The following UPP2 variants were observed in gnomAD, a reference collection of about 807,000 sequenced individuals.
UPP2 encodes UPase 2.
In UPP2, 23 loss-of-function variants were observed where a neutral mutation model predicts 26.7. The observed-to-expected ratio is 0.86, with a 90% CI of 0.62 to 1.22. The LOEUF is 1.22. UPP2 is among the 50% of genes most tolerant of loss of function. The probability of loss-of-function intolerance (pLI) is 0.00; values close to 1 mark genes in which losing one functional copy is unlikely to be tolerated. For missense variants in UPP2, 387 were observed against 396.7 expected (o/e 0.98, Z 0.21); for synonymous variants, 127 against 141.3 (o/e 0.90, Z 0.72).
chr2:158,108,372 T>C (rs769563051), intron 2 of UPP2, among the ~76,000 whole-genome samples: 1 of 152,134 alleles, frequency 6.6e-6, no homozygotes, highest in African/African-American at 2.4e-5. Flanking sequence ...GTAAGTCAAA[T>C]AGCTGAGATT....
rs1683563709 is a variant in UPP2 at position 158,121,421 on chromosome 2, G to A, written c.467G>A (p.Gly156Glu). The A allele has an allele frequency of 1.2e-6, 2 of 1,612,442 alleles. No individual in the cohort carries two copies. Among genetic ancestry groups the A allele is most frequent in the East Asian group, 2.2e-5 (1 of 44,860 alleles). The change falls in exon 5 of 7, where the codon GGG becomes GAG. Residue 156 changes from glycine to glutamate, a missense_variant. Gly to Glu is a moderately conservative substitution (Grantham distance 98, BLOSUM62 -2). Transcript: ENST00000005756. ...TCCCACATTGCAGGGATTGCACCAG[G>A]GACTGTTGTAATAACGGATATAGCT... ...GTSGGIGIAP[G>E]TVVITDIAVD...
intron 3 of UPP2, among the ~76,000 whole-genome samples, chr2:158,040,106 G>A (rs1047725906): frequency 6.6e-6 from 1 of 152,208 alleles, no homozygotes; most frequent in Non-Finnish European, 1.5e-5. Context: ...CATTATGAAT[G>A]GATTAATGTA....
chr2:158,126,218 C>T (rs1479241239), intron 6 of UPP2, among the ~76,000 whole-genome samples: 3 of 152,154 alleles, frequency 2.0e-5, no homozygotes, highest in Non-Finnish European at 4.4e-5. Flanking sequence ...TGCAGGTTTC[C>T]CTCCTGGATG....
chr2:158,006,037 C>A (rs1428305882), intron 2 of UPP2, among the ~76,000 whole-genome samples: 1 of 152,196 alleles, frequency 6.6e-6, no homozygotes, highest in African/African-American at 2.4e-5. Context: ...CACCCCAAAG[C>A]GCATTCCCCT....
intron 2 of UPP2, among the ~76,000 whole-genome samples, chr2:158,109,105 C>T (rs559543838): frequency 4.6e-5 from 7 of 152,160 alleles, no homozygotes; most frequent in African/African-American, 1.7e-4. Flanking sequence ...GAACATTCTA[C>T]ATTCAATTTC....
At chr2:158,129,820 C>G (rs575208310) in intron 6 of UPP2, among the ~76,000 whole-genome samples, 1 of 151,448 alleles carries the variant, frequency 6.6e-6, no homozygotes, top group East Asian at 1.9e-4. Flanking sequence ...GATTGGAACA[C>G]AGTGGTATGA....
chr2:158,017,604 T>C (rs1006881577), intron 3 of UPP2, among the ~76,000 whole-genome samples: 2 of 152,222 alleles, frequency 1.3e-5, no homozygotes, highest in East Asian at 3.8e-4. Flanking sequence ...GTCAAATCTT[T>C]GCATAGCTGA....
intron 3 of UPP2, among the ~76,000 whole-genome samples, chr2:158,029,578 C>T (rs1419240309): frequency 1.3e-5 from 2 of 152,108 alleles, no homozygotes; most frequent in African/African-American, 4.8e-5. Flanking sequence ...AATATATTGT[C>T]CAAACTGGGA....
At chr2:158,124,047 C>A in intron 6 of UPP2, 152 bp downstream of exon 6, 2 of 819,658 alleles carry the variant, frequency 2.4e-6, no homozygotes, top group Non-Finnish European at 3.6e-6. Flanking sequence ...CTCATAATAT[C>A]TTGTGAGTGG....
chr2:158,024,690 T>C (rs1170645692), intron 3 of UPP2, among the ~76,000 whole-genome samples: 5 of 152,158 alleles, frequency 3.3e-5, no homozygotes, highest in Non-Finnish European at 5.9e-5. Flanking sequence ...TGGAGGAATT[T>C]AGTGAGGTTT....
intron 3 of UPP2, among the ~76,000 whole-genome samples, chr2:158,055,998 G>A (rs922272895): frequency 3.3e-5 from 5 of 152,168 alleles, no homozygotes; most frequent in African/African-American, 1.2e-4. Flanking sequence ...CACGTGTGAG[G>A]AAAGGAGAGG....
chr2:157,995,950 C>A (rs916740732), intron 2 of UPP2, among the ~76,000 whole-genome samples: 5 of 152,126 alleles, frequency 3.3e-5, no homozygotes, highest in African/African-American at 1.2e-4. Context: ...CATATACACT[C>A]ATAAGACCCT....
intron 6 of UPP2, among the ~76,000 whole-genome samples, chr2:158,133,502 G>C (rs1683867309): frequency 6.6e-6 from 1 of 152,144 alleles, no homozygotes; most frequent in Non-Finnish European, 1.5e-5. Flanking sequence ...ATCTTTAAGA[G>C]AGTAGATTTT....
intron 2 of UPP2, among the ~76,000 whole-genome samples, chr2:158,110,442 C>T (rs373823600): frequency 3.5e-4 from 53 of 152,100 alleles, no homozygotes; most frequent in African/African-American, 3.9e-4. Flanking sequence ...TGAGTAGTGC[C>T]GCAGTGAACA....
At chr2:157,998,253 G>A (rs957721347) in intron 2 of UPP2, among the ~76,000 whole-genome samples, 1 of 152,088 alleles carries the variant, frequency 6.6e-6, no homozygotes, top group Non-Finnish European at 1.5e-5. Context: ...TAGGACATAA[G>A]GTTGAACTGG....
intron 3 of UPP2, among the ~76,000 whole-genome samples, chr2:158,092,450 T>C (rs1290485400): frequency 1.3e-5 from 2 of 152,024 alleles, no homozygotes; most frequent in African/African-American, 2.4e-5. Context: ...ATCCCATGAG[T>C]GCTGAGGGAA....
rs6710348 is a variant in UPP2 at position 158,101,959 on chromosome 2, G to A, written c.-105G>A. ...AAGTTTTAAGAGAGGTTATCATTCT[G>A]ACTGGGAACTGAACTATTATGACTA... On this transcript the variant is annotated 5_prime_UTR_variant, in exon 1 of 7. Transcript: ENST00000005756. The A allele has an allele frequency of 0.042, 61,843 of 1,485,038 alleles. 3,681 individuals carry two copies. The highest frequency in any genetic ancestry group is 0.27 in the African/African-American group (18,296 of 69,016). The allele number at this position is 1,485,038 out of a possible 1,614,324, so 92.0% of individuals were successfully genotyped here. A position where few individuals can be genotyped will look rare whatever the true frequency, so the allele number is the denominator to read the frequency against.
chr2:157,998,028 A>T (rs1574237453), intron 2 of UPP2, among the ~76,000 whole-genome samples: 1 of 152,202 alleles, frequency 6.6e-6, no homozygotes, highest in African/African-American at 2.4e-5. Context: ...GGTCTTTTTC[A>T]TAAGAAGATA....
At chr2:158,065,939 C>T (rs565768514) in intron 3 of UPP2, 19 of 505,132 alleles carry the variant, frequency 3.8e-5, no homozygotes, top group South Asian at 1.8e-4. Flanking sequence ...CAGTACAATT[C>T]GCAAGAAAAA....
Sources: allele counts gnomAD v4.1 joint callset (sites outside exome capture counted in the v4.1 genomes callset), GRCh38; gene constraint gnomAD v4.1.1; transcripts MANE v1.5; gene names NCBI Gene and HGNC (gene_info 2026-07-23, HGNC 2026-07-21).